PACRG: variants seen among roughly 807,000 people sequenced by gnomAD.
The protein encoded by PACRG is parkin coregulated.
Under a neutral mutation model 29.7 loss-of-function variants are expected in PACRG, and 29 were observed. That is an observed-to-expected ratio of 0.98 (90% CI 0.73 to 1.33). The LOEUF (loss-of-function observed/expected upper bound fraction) is 1.33. Ranked by LOEUF, PACRG falls within the 40% of genes most tolerant of loss-of-function variation. The probability of loss-of-function intolerance (pLI) is 0.00; values close to 1 mark genes in which losing one functional copy is unlikely to be tolerated. For synonymous variants in PACRG, 116 were observed against 118.7 expected, an observed-to-expected ratio of 0.98 and a Z score of 0.15; for missense variants, 279 against 316.2, an observed-to-expected ratio of 0.88 and a Z score of 0.89.
chr6:162,727,387 G>T (rs1779308046), upstream of PACRG: 1 of 484,292 alleles, frequency 2.1e-6, no homozygotes, highest in Non-Finnish European at 3.6e-6. Flanking sequence ...GAGGAGCGGG[G>T]GTGCGGGGCC....
chr6:162,911,105 A>G (rs1195751007), intron 2 of PACRG, among the ~76,000 whole-genome samples: 1 of 152,250 alleles, frequency 6.6e-6, no homozygotes, highest in Non-Finnish European at 1.5e-5. Flanking sequence ...ATCTGCATCG[A>G]TATCAATTTG....
At chr6:162,900,964 CGT>C (rs1282694470) in intron 2 of PACRG, among the ~76,000 whole-genome samples, 2 of 152,190 alleles carry the variant, frequency 1.3e-5, no homozygotes, top group Non-Finnish European at 2.9e-5. Context: ...CTACGCATCC[CGT>C]CTATCTTATT....
At chr6:163,107,232 T>C (rs1275085197) in intron 4 of PACRG, among the ~76,000 whole-genome samples, 1 of 151,990 alleles carries the variant, frequency 6.6e-6, no homozygotes, top group Non-Finnish European at 1.5e-5. Flanking sequence ...AGAAATATGA[T>C]GAGAAAGAGA....
At chr6:163,181,449 G>A (rs1051652235) in intron 4 of PACRG, among the ~76,000 whole-genome samples, 20 of 151,870 alleles carry the variant, frequency 1.3e-4, no homozygotes, top group Non-Finnish European at 2.9e-5. Flanking sequence ...GTGAGTCCCC[G>A]GAGATGAACA....
At chr6:163,064,893 AC>A (rs1430710212) in intron 3 of PACRG, among the ~76,000 whole-genome samples, 1 of 151,978 alleles carries the variant, frequency 6.6e-6, no homozygotes, top group Non-Finnish European at 1.5e-5. Context: ...AAATGTATAA[AC>A]TCACTGTGAG....
chr6:163,293,099 A>C (rs73603724), intron 4 of PACRG, among the ~76,000 whole-genome samples: 1,949 of 152,360 alleles, frequency 0.013, 42 homozygotes, highest in African/African-American at 0.044. Context: ...TTTATTCTTA[A>C]CATGAAAAGT....
At chr6:163,249,473 T>C (rs1342227467) in intron 4 of PACRG, among the ~76,000 whole-genome samples, 1 of 152,228 alleles carries the variant, frequency 6.6e-6, no homozygotes, top group Non-Finnish European at 1.5e-5. Context: ...CCTTAAGTTA[T>C]GAATATGACT....
intron 4 of PACRG, among the ~76,000 whole-genome samples, chr6:163,119,306 G>A (rs1006348545): frequency 4.6e-5 from 7 of 152,234 alleles, no homozygotes; most frequent in African/African-American, 1.7e-4. Flanking sequence ...GTTCTCGTCT[G>A]TGAAACTTGG....
chr6:163,074,653 A>G lies in PACRG; in HGVS notation c.463+12332A>G, dbSNP rs1377800013. ...ATTACACATTGCATGCCTGTAACAA[A>G]ATACATATTGTAACCTATAAATATA... On this transcript the variant is annotated intron_variant, in intron 3 of 4. Transcript: ENST00000366888. 4.6e-5 allele frequency among the ~76,000 whole-genome samples: 7 copies of G among 152,326 alleles called. No homozygotes were observed. The East Asian group carries it at 1.3e-3, about 29-fold the overall frequency.
intron 4 of PACRG, among the ~76,000 whole-genome samples, chr6:163,308,192 G>C (rs1470609384): frequency 6.6e-6 from 1 of 152,034 alleles, no homozygotes; most frequent in Non-Finnish European, 1.5e-5. Flanking sequence ...CAAACATTAT[G>C]AGTTATTGTT....
At chr6:163,238,900 T>C (rs577843754) in intron 4 of PACRG, among the ~76,000 whole-genome samples, 5 of 152,336 alleles carry the variant, frequency 3.3e-5, no homozygotes, top group Non-Finnish European at 7.3e-5. Flanking sequence ...CATCTCATGC[T>C]TCAACCTCAC....
At chr6:163,178,132 C>G (rs1398723976) in intron 4 of PACRG, among the ~76,000 whole-genome samples, 1 of 152,152 alleles carries the variant, frequency 6.6e-6, no homozygotes, top group Non-Finnish European at 1.5e-5. Context: ...GCCAGTGGGC[C>G]TGTGAGAAGG....
At chr6:162,899,948 C>A (rs1254063918) in intron 2 of PACRG, among the ~76,000 whole-genome samples, 1 of 152,062 alleles carries the variant, frequency 6.6e-6, no homozygotes, top group African/African-American at 2.4e-5. Flanking sequence ...GGTCTGCACC[C>A]GTCACCGTCA....
At chr6:162,831,275 T>A (rs1037475751) in intron 2 of PACRG, among the ~76,000 whole-genome samples, 3 of 152,176 alleles carry the variant, frequency 2.0e-5, no homozygotes, top group Non-Finnish European at 2.9e-5. Flanking sequence ...TTTAGTGATG[T>A]TCAATTTATA....
At chr6:163,121,683 T>TGA (rs1401252891) in intron 4 of PACRG, among the ~76,000 whole-genome samples, 1 of 147,662 alleles carries the variant, frequency 6.8e-6, no homozygotes, top group Non-Finnish European at 1.5e-5. Context: ...TTTTTTTTTT[T>TGA]GAGACAGAGT....
intron 3 of PACRG, among the ~76,000 whole-genome samples, chr6:163,066,585 C>A (rs1585132765): frequency 6.6e-6 from 1 of 152,164 alleles, no homozygotes; most frequent in Non-Finnish European, 1.5e-5. Flanking sequence ...GGGGTCTACA[C>A]CCTCAAAGTC....
intron 1 of PACRG, among the ~76,000 whole-genome samples, chr6:162,757,533 C>T (rs1221694137): frequency 6.6e-6 from 1 of 151,940 alleles, no homozygotes; most frequent in Admixed American, 6.6e-5. Flanking sequence ...CACAGTGAAA[C>T]CCTGTCTCTA....
chr6:162,875,708 G>A (rs533034601), intron 2 of PACRG, among the ~76,000 whole-genome samples: 84 of 152,244 alleles, frequency 5.5e-4, no homozygotes, highest in African/African-American at 1.9e-3. Context: ...TGCAATAATT[G>A]TGTCCTTGAC....
chr6:163,307,327 G>A (rs981477423), intron 4 of PACRG, among the ~76,000 whole-genome samples: 3 of 152,190 alleles, frequency 2.0e-5, no homozygotes, highest in African/African-American at 7.2e-5. Flanking sequence ...GAGAGAAAGA[G>A]AACGAGACAT....
Sources: allele counts gnomAD v4.1 joint callset (sites outside exome capture counted in the v4.1 genomes callset), GRCh38; gene constraint gnomAD v4.1.1; transcripts MANE v1.5; gene names NCBI Gene and HGNC (gene_info 2026-07-23, HGNC 2026-07-21).